RIN2: variants seen among roughly 807,000 people sequenced by gnomAD.
The protein encoded by RIN2 is Ras and Rab interactor 2.
A neutral mutation model predicts 78.0 loss-of-function variants in RIN2; 36 were observed. That is an observed-to-expected ratio of 0.46 (90% CI 0.35 to 0.61). The LOEUF (loss-of-function observed/expected upper bound fraction) is 0.61. Ranked by LOEUF, RIN2 falls within the 20% of genes least tolerant of loss-of-function variation. RIN2 has a pLI of 0.00. For synonymous variants in RIN2, 466 were observed against 466.8 expected (o/e 1.00, Z 0.02); for missense variants, 1,087 against 1,159.7 (o/e 0.94, Z 0.91).
intron 2 of RIN2, among the ~76,000 whole-genome samples, chr20:19,819,194 G>A (rs916939279): frequency 2.6e-5 from 4 of 152,212 alleles, no homozygotes; most frequent in African/African-American, 4.8e-5. Flanking sequence ...ATGTCCTGTC[G>A]TTCTGAAGGC....
chr20:19,831,850 CTT>C (rs758746951), intron 2 of RIN2, among the ~76,000 whole-genome samples: 3 of 152,122 alleles, frequency 2.0e-5, no homozygotes, highest in African/African-American at 4.8e-5. Context: ...TAGACATAGA[CTT>C]TTAAAATACA....
chr20:19,852,585 C>T (rs1960328294), intron 2 of RIN2, among the ~76,000 whole-genome samples: 1 of 152,208 alleles, frequency 6.6e-6, no homozygotes, highest in Non-Finnish European at 1.5e-5. Flanking sequence ...CTTTCCACTA[C>T]AGGAAAACAC....
intron 2 of RIN2, among the ~76,000 whole-genome samples, chr20:19,887,088 C>T (rs904764371): frequency 1.1e-4 from 16 of 151,396 alleles, no homozygotes; most frequent in Non-Finnish European, 2.1e-4. Context: ...TGCAGTGGTG[C>T]GATCATGGCT....
chr20:19,806,945 T>C (rs992367716), intron 2 of RIN2, among the ~76,000 whole-genome samples: 1 of 152,194 alleles, frequency 6.6e-6, no homozygotes, highest in African/African-American at 2.4e-5. Context: ...TTAGCTGGGA[T>C]CTGGCAGATC....
chr20:19,806,952 G>A (rs1288852821), intron 2 of RIN2, among the ~76,000 whole-genome samples: 1 of 152,240 alleles, frequency 6.6e-6, no homozygotes, highest in Non-Finnish European at 1.5e-5. Context: ...GGATCTGGCA[G>A]ATCTAGGTTG....
chr20:19,915,696 C>T (rs919122052), intron 3 of RIN2, among the ~76,000 whole-genome samples: 2 of 152,174 alleles, frequency 1.3e-5, no homozygotes, highest in Non-Finnish European at 2.9e-5. Flanking sequence ...CTTCACAAGA[C>T]CGAAAATGGC....
intron 2 of RIN2, chr20:19,886,512 G>T: frequency 3.5e-6 from 2 of 566,708 alleles, no homozygotes; most frequent in East Asian, 2.9e-5. Flanking sequence ...GACCAGCTCC[G>T]TTTACATTCT....
chr20:19,773,725 C>G (rs1272658783), intron 1 of RIN2, among the ~76,000 whole-genome samples: 2 of 151,982 alleles, frequency 1.3e-5, no homozygotes, highest in Non-Finnish European at 2.9e-5. Flanking sequence ...TAATGAACGG[C>G]AGCTTCTCCT....
chr20:19,769,315 G>C (rs562850727), intron 1 of RIN2, among the ~76,000 whole-genome samples: 1 of 152,312 alleles, frequency 6.6e-6, no homozygotes, highest in South Asian at 2.1e-4. Flanking sequence ...GACATTGAAA[G>C]CTGTGGGTCT....
chr20:19,970,052 C>T (rs1447995748), intron 7 of RIN2, among the ~76,000 whole-genome samples: 1 of 152,236 alleles, frequency 6.6e-6, no homozygotes, highest in Non-Finnish European at 1.5e-5. Flanking sequence ...GTTGCTCTCT[C>T]TGCCATGTGT....
intron 2 of RIN2, among the ~76,000 whole-genome samples, chr20:19,811,349 G>C (rs2035594186): frequency 6.6e-6 from 1 of 152,046 alleles, no homozygotes. Context: ...AGGGAGCTGG[G>C]GTGTTTATCC....
chr20:19,804,411 A>T (rs950601355), intron 2 of RIN2, among the ~76,000 whole-genome samples: 1 of 152,142 alleles, frequency 6.6e-6, no homozygotes, highest in Non-Finnish European at 1.5e-5. Flanking sequence ...ACATAAAGGG[A>T]TGTGGAGTTC....
intron 2 of RIN2, among the ~76,000 whole-genome samples, chr20:19,876,204 T>G (rs2037850418): frequency 6.6e-6 from 1 of 152,250 alleles, no homozygotes; most frequent in African/African-American, 2.4e-5. Context: ...GTTTTTGTTT[T>G]ATTTTTATTT....
intron 1 of RIN2, among the ~76,000 whole-genome samples, chr20:19,778,013 A>C (rs1441818863): frequency 6.6e-6 from 1 of 152,234 alleles, no homozygotes; most frequent in Non-Finnish European, 1.5e-5. Flanking sequence ...GTATTTTCAA[A>C]GGAGGAAAAA....
intron 11 of RIN2, 60 bp from the exon 12 acceptor site, chr20:19,996,619 T>C: frequency 6.4e-7 from 1 of 1,552,570 alleles, no homozygotes; most frequent in Non-Finnish European, 8.9e-7. Flanking sequence ...TGGCATCCCC[T>C]GTTATCACCC....
intron 2 of RIN2, among the ~76,000 whole-genome samples, chr20:19,841,625 C>G (rs1404217322): frequency 1.3e-5 from 2 of 152,122 alleles, no homozygotes; most frequent in Non-Finnish European, 2.9e-5. Flanking sequence ...CATCCCACAG[C>G]TGAAAATCAG....
At chr20:19,908,381 C>G (rs1600761733) in intron 3 of RIN2, among the ~76,000 whole-genome samples, 2 of 152,024 alleles carry the variant, frequency 1.3e-5, no homozygotes, top group African/African-American at 2.4e-5. Flanking sequence ...GTCCCAGCTA[C>G]TCGGGAGGCT....
chr20:19,937,657 T>C (rs1164288880), intron 4 of RIN2, among the ~76,000 whole-genome samples: 1 of 152,260 alleles, frequency 6.6e-6, no homozygotes. Context: ...CTGAATAATC[T>C]TTTGAATGCA....
chr20:19,911,729 A>G (rs914666288), intron 3 of RIN2, among the ~76,000 whole-genome samples: 1 of 85,494 alleles, frequency 1.2e-5, no homozygotes, highest in Non-Finnish European at 2.1e-5. Flanking sequence ...TGTCTCACTC[A>G]TTTCATTCCG....
Sources: gnomAD v4.1 joint callset for allele counts (sites outside exome capture counted in the v4.1 genomes callset) on GRCh38, gnomAD v4.1.1 for gene constraint, MANE v1.5 for transcripts, NCBI Gene and HGNC (gene_info 2026-07-23, HGNC 2026-07-21) for gene names.